ZMAT1: variants seen among roughly 807,000 people sequenced by gnomAD.
ZMAT1 encodes zinc finger matrin-type 1, also known as zinc finger matrin-type protein 1.
In ZMAT1, 11 loss-of-function variants were observed where a neutral mutation model predicts 18.5. The ratio of observed to expected loss-of-function variants is 0.59; its 90% CI spans 0.37 to 0.98. The LOEUF (loss-of-function observed/expected upper bound fraction) is 0.98. Among genes scored for constraint, ZMAT1 ranks in the 50% least tolerant of loss-of-function variants. The pLI is 0.01. For missense variants in ZMAT1, 525 were observed against 496.2 expected, an observed-to-expected ratio of 1.06 and a Z score of -0.55; for synonymous variants, 211 against 176.4, an observed-to-expected ratio of 1.20 and a Z score of -1.55.
At chrX:101,924,186 A>T (rs1217849324) in intron 1 of ZMAT1, among the ~76,000 whole-genome samples, 1 of 111,375 alleles carries the variant, frequency 9.0e-6, no homozygotes, top group Admixed American at 9.6e-5. Context: ...ATCTTGGCTC[A>T]CTGCAACCTC....
At chrX:101,905,306 G>T (rs1928535184) in intron 1 of ZMAT1, among the ~76,000 whole-genome samples, 1 of 112,286 alleles carries the variant, frequency 8.9e-6, no homozygotes. Flanking sequence ...ATGCTATAGT[G>T]TTTCTCACTG....
intron 1 of ZMAT1, among the ~76,000 whole-genome samples, chrX:101,925,534 C>T (rs1482719235): frequency 8.9e-6 from 1 of 112,167 alleles, no homozygotes; most frequent in Non-Finnish European, 1.9e-5. Flanking sequence ...AACTATATAG[C>T]CTTCAGCAAA....
intron 1 of ZMAT1, among the ~76,000 whole-genome samples, chrX:101,917,458 C>G (rs1248368194): frequency 3.3e-5 from 3 of 89,979 alleles, no homozygotes; most frequent in African/African-American, 1.4e-4. Context: ...AATTAATCAT[C>G]AGCAAAATGC....
intron 1 of ZMAT1, among the ~76,000 whole-genome samples, chrX:101,925,138 G>A (rs1180588914): frequency 6.2e-5 from 7 of 112,389 alleles, no homozygotes; most frequent in Non-Finnish European, 1.3e-4. Context: ...ATGAGCAAGT[G>A]ATGGTTGTTT....
intron 1 of ZMAT1, among the ~76,000 whole-genome samples, chrX:101,921,986 T>C (rs1178889874): frequency 9.0e-6 from 1 of 111,274 alleles, no homozygotes; most frequent in East Asian, 2.8e-4. Context: ...AGGACATAGT[T>C]AGATAGAAAT....
intron 1 of ZMAT1, among the ~76,000 whole-genome samples, chrX:101,925,548 T>C (rs906474780): frequency 3.6e-5 from 4 of 112,450 alleles, no homozygotes; most frequent in Non-Finnish European, 7.5e-5. Context: ...CAGCAAATTA[T>C]GTAACCACTA....
chrX:101,920,230 G>A (rs189280716), intron 1 of ZMAT1, among the ~76,000 whole-genome samples: 2 of 109,663 alleles, frequency 1.8e-5, no homozygotes, highest in Non-Finnish European at 3.8e-5. Context: ...GTAGAGACGG[G>A]GTTTCACCAT....
At chrX:101,924,197 T>C (rs1048324175) in intron 1 of ZMAT1, among the ~76,000 whole-genome samples, 17 of 111,397 alleles carry the variant, frequency 1.5e-4, no homozygotes, top group African/African-American at 4.6e-4. Context: ...CTGCAACCTC[T>C]GCCTCCCGAG....
At chrX:101,928,901 A>G (rs1930227596) in intron 1 of ZMAT1, among the ~76,000 whole-genome samples, 1 of 111,857 alleles carries the variant, frequency 8.9e-6, no homozygotes, top group African/African-American at 3.2e-5. Flanking sequence ...TCCTGGGTGA[A>G]AATTCATTTT....
chrX:101,926,687 G>A (rs1280363214), intron 1 of ZMAT1, among the ~76,000 whole-genome samples: 1 of 111,871 alleles, frequency 8.9e-6, no homozygotes, highest in South Asian at 3.7e-4. Context: ...TAACCCCCAA[G>A]TTTAAGCTAT....
intron 1 of ZMAT1, among the ~76,000 whole-genome samples, chrX:101,913,945 C>T (rs1466182716): frequency 8.9e-6 from 1 of 111,837 alleles, no homozygotes; most frequent in Non-Finnish European, 1.9e-5. Context: ...TGTTAGGTCA[C>T]AAAATAACTC....
At chrX:101,911,790 T>G (rs1928986451) in intron 1 of ZMAT1, 1 of 1,206,639 alleles carries the variant, frequency 8.3e-7, no homozygotes, top group Admixed American at 2.2e-5. Context: ...AGCTCCCGTC[T>G]CATCGAACAC....
intron 4 of ZMAT1, chrX:101,887,998 C>CTTTAAGT (rs1480677589): frequency 4.5e-5 from 5 of 111,246 alleles, no homozygotes; most frequent in Admixed American, 9.6e-5. Context: ...TACAATGTTT[C>CTTTAAGT]CCAGACTTCT....
intron 1 of ZMAT1, among the ~76,000 whole-genome samples, chrX:101,926,578 A>G (rs1038182802): frequency 8.9e-6 from 1 of 112,229 alleles, no homozygotes; most frequent in Non-Finnish European, 1.9e-5. Flanking sequence ...GGAATTGTAA[A>G]CCATGCAGGA....
rs752042091 is a variant in ZMAT1, at chrX:101,883,377, A to G, written c.*133T>C. On this transcript the variant is annotated 3_prime_UTR_variant, in exon 6 of 6. Transcript: ENST00000651725. ...TAATTCAATTTAAATTTTTATACAA[A>G]AAAAACCTAAGTGTCCTGAAGTGAC... 6.6e-5 allele frequency: 28 copies of G among 426,282 alleles called. No individual in the cohort carries two copies. In the African/African-American group the frequency reaches 7.1e-4, roughly 11 times the overall value. 35.1% of individuals were successfully genotyped at this position (426,282 alleles called of 1,213,427 possible).
intron 1 of ZMAT1, among the ~76,000 whole-genome samples, chrX:101,908,763 T>C (rs977521301): frequency 1.8e-5 from 2 of 111,783 alleles, no homozygotes; most frequent in Non-Finnish European, 3.8e-5. Context: ...GTTGAGTGTC[T>C]GCAAACCTTA....
chrX:101,885,710 G>C (rs1264929629), intron 5 of ZMAT1, among the ~76,000 whole-genome samples: 1 of 111,035 alleles, frequency 9.0e-6, no homozygotes, highest in South Asian at 3.8e-4. Context: ...TTGAGACAGG[G>C]TCTCACTCTG....
intron 1 of ZMAT1, among the ~76,000 whole-genome samples, chrX:101,926,784 G>A (rs1029868231): frequency 1.8e-5 from 2 of 112,152 alleles, no homozygotes; most frequent in African/African-American, 3.2e-5. Flanking sequence ...CAATTAGGTT[G>A]AGTTGCACAA....
chrX:101,888,301 C>A (rs190104575), intron 4 of ZMAT1: 5 of 111,460 alleles, frequency 4.5e-5, no homozygotes, highest in Admixed American at 9.6e-5. Context: ...TACATATTCA[C>A]AACAACCTCT....
Sources: allele counts gnomAD v4.1 joint callset (sites outside exome capture counted in the v4.1 genomes callset), GRCh38; gene constraint gnomAD v4.1.1; transcripts MANE v1.5; gene names NCBI Gene and HGNC (gene_info 2026-07-23, HGNC 2026-07-21).